MORC1: variants seen among roughly 807,000 people sequenced by gnomAD.
MORC1 encodes MORC family CW-type zinc finger 1.
In MORC1, 59 loss-of-function variants were observed where a neutral mutation model predicts 134.9. That is an observed-to-expected ratio of 0.44 (90% CI 0.35 to 0.54). The LOEUF (loss-of-function observed/expected upper bound fraction) is 0.54. Ranked by LOEUF, MORC1 falls within the 20% of genes least tolerant of loss-of-function variation. The probability of loss-of-function intolerance (pLI) is 0.00; values close to 1 mark genes in which losing one functional copy is unlikely to be tolerated. For missense variants in MORC1, 947 were observed against 1,134.5 expected, an observed-to-expected ratio of 0.83 and a Z score of 2.37; for synonymous variants, 395 against 391.7, an observed-to-expected ratio of 1.01 and a Z score of -0.10.
intron 23 of MORC1, among the ~76,000 whole-genome samples, chr3:108,983,020 G>T (rs1267593572): frequency 6.8e-6 from 1 of 148,064 alleles, no homozygotes; most frequent in Non-Finnish European, 1.5e-5. Flanking sequence ...AGTCAACAGT[G>T]ATTCCAAAAA....
intron 17 of MORC1, among the ~76,000 whole-genome samples, chr3:109,022,441 G>C (rs572487596): frequency 6.6e-6 from 1 of 152,358 alleles, no homozygotes; most frequent in Admixed American, 6.5e-5. Context: ...GGAATTGCCA[G>C]ATTATACTAT....
Position 108,990,128 on chromosome 3 carries a change from C to A in MORC1, c.2188-3179G>T, listed in dbSNP as rs137855736. Among the ~76,000 whole-genome samples the A allele has an allele frequency of 9.4e-4, 143 of 152,286 alleles. 3 individuals are homozygous for A. The East Asian group carries it at 0.027, about 29-fold the overall frequency. ...CACCACGATTGGAGGCCTCCCCAGC[C>A]ATGTGGAATCTCTTTCTTTATAAAT... is the stretch of plus-strand genomic sequence containing the variant. On this transcript the variant is annotated intron_variant, in intron 21 of 27. Transcript: ENST00000232603.
At chr3:109,096,455 T>A (rs987465475) in intron 6 of MORC1, among the ~76,000 whole-genome samples, 3 of 152,148 alleles carry the variant, frequency 2.0e-5, no homozygotes, top group African/African-American at 7.2e-5. Flanking sequence ...CATTATATGC[T>A]AATTATAATG....
intron 8 of MORC1, among the ~76,000 whole-genome samples, chr3:109,091,213 G>A (rs1210338943): frequency 6.6e-6 from 1 of 151,898 alleles, no homozygotes; most frequent in African/African-American, 2.4e-5. Context: ...GCAGGCTGGG[G>A]GAGTAGATCA....
intron 21 of MORC1, among the ~76,000 whole-genome samples, chr3:108,997,253 G>T (rs1948259976): frequency 6.6e-6 from 1 of 151,962 alleles, no homozygotes; most frequent in Non-Finnish European, 1.5e-5. Flanking sequence ...CTTCAACAAG[G>T]CTGGGCATGG....
At chr3:109,110,283 A>AT (rs1951134107) in intron 3 of MORC1, 1 of 155,002 alleles carries the variant, frequency 6.5e-6, no homozygotes, top group African/African-American at 2.4e-5. Context: ...GTCTAATGAG[A>AT]TAACTAGTGA....
chr3:108,971,140 CTTGT>C (rs1202441059), intron 25 of MORC1, among the ~76,000 whole-genome samples, 186 bp downstream of exon 25: 1 of 152,120 alleles, frequency 6.6e-6, no homozygotes, highest in African/African-American at 2.4e-5. Context: ...TATTTTCCAC[CTTGT>C]TTAACTCACA....
chr3:108,963,702 A>C, intron 26 of MORC1, 94 bp from the exon 27 acceptor site: 1 of 866,622 alleles, frequency 1.2e-6, no homozygotes, highest in Non-Finnish European at 1.7e-6. Context: ...CTCTGCCTAC[A>C]TGTACCAAGT....
chr3:109,012,746 T>C (rs1238892401), intron 17 of MORC1, among the ~76,000 whole-genome samples: 2 of 152,354 alleles, frequency 1.3e-5, no homozygotes, highest in South Asian at 2.1e-4. Flanking sequence ...TTTTTATATA[T>C]TGATTTTGTG....
chr3:108,990,698 T>C (rs956164585), intron 21 of MORC1, among the ~76,000 whole-genome samples: 17 of 152,162 alleles, frequency 1.1e-4, no homozygotes, highest in African/African-American at 3.9e-4. Context: ...GGGAGGATCG[T>C]CTGTTTTTAC....
intron 8 of MORC1, among the ~76,000 whole-genome samples, chr3:109,087,901 A>T (rs1286553939): frequency 1.3e-5 from 2 of 152,110 alleles, no homozygotes; most frequent in Admixed American, 1.3e-4. Flanking sequence ...GAAACAGAAA[A>T]GAGAGCCCAG....
At chr3:108,961,974 G>T (rs1002389218) in intron 27 of MORC1, among the ~76,000 whole-genome samples, 1 of 151,968 alleles carries the variant, frequency 6.6e-6, no homozygotes, top group Non-Finnish European at 1.5e-5. Context: ...AACAATAATC[G>T]TCACTGAAAC....
At chr3:109,067,394 T>G (rs1236661640) in intron 9 of MORC1, among the ~76,000 whole-genome samples, 1 of 152,204 alleles carries the variant, frequency 6.6e-6, no homozygotes, top group Non-Finnish European at 1.5e-5. Flanking sequence ...TATTCTATGA[T>G]CTAGACTCCT....
chr3:109,086,336 C>G (rs186493742), intron 8 of MORC1, among the ~76,000 whole-genome samples: 14 of 151,958 alleles, frequency 9.2e-5, no homozygotes, highest in African/African-American at 3.4e-4. Context: ...GTATCATATA[C>G]CCTGAAAATA....
At chr3:109,106,023 G>A (rs1951026483) in intron 3 of MORC1, among the ~76,000 whole-genome samples, 1 of 152,140 alleles carries the variant, frequency 6.6e-6, no homozygotes, top group African/African-American at 2.4e-5. Flanking sequence ...TTTAATGAGG[G>A]GAATCCAACC....
intron 17 of MORC1, among the ~76,000 whole-genome samples, chr3:109,021,663 T>C (rs1013277843): frequency 1.3e-5 from 2 of 152,228 alleles, no homozygotes; most frequent in African/African-American, 4.8e-5. Flanking sequence ...CCCTGCACCA[T>C]GCTATGCCAC....
At chr3:109,061,233 C>A (rs1406466309) in intron 11 of MORC1, among the ~76,000 whole-genome samples, 1 of 152,136 alleles carries the variant, frequency 6.6e-6, no homozygotes, top group Admixed American at 6.5e-5. Flanking sequence ...CCTCCATATT[C>A]CTACTTATCC....
chr3:109,059,801 C>T lies in MORC1; in HGVS notation c.1031+5G>A. 1.2e-6 allele frequency: 2 copies of T among 1,610,680 alleles called. No individual in the cohort carries two copies. Among genetic ancestry groups the T allele is most frequent in the Non-Finnish European group, 1.7e-6 (2 of 1,178,110 alleles). On this transcript the variant is annotated splice_donor_5th_base_variant and intron_variant, in intron 12 of 27. Transcript: ENST00000232603. ...TTCCTGCAAACAGAAAACCTTGTGTCTTACCTTTGTTTCTCTTTAAGATTC... is the reference window on the plus strand; with the variant it reads ...TTCCTGCAAACAGAAAACCTTGTGTTTTACCTTTGTTTCTCTTTAAGATTC...
intron 26 of MORC1, among the ~76,000 whole-genome samples, chr3:108,966,822 G>A (rs1947232556): frequency 6.6e-6 from 1 of 152,118 alleles, no homozygotes; most frequent in East Asian, 1.9e-4. Context: ...GTAGACCAGT[G>A]TAAGTAAGTT....
Sources: allele counts gnomAD v4.1 joint callset (sites outside exome capture counted in the v4.1 genomes callset), GRCh38; gene constraint gnomAD v4.1.1; transcripts MANE v1.5; gene names NCBI Gene and HGNC (gene_info 2026-07-23, HGNC 2026-07-21).